ARHGAP15: variants seen among roughly 807,000 people sequenced by gnomAD.
ARHGAP15 encodes the protein Rho GTPase activating protein 15, also known as rho GTPase-activating protein 15.
ARHGAP15 carries 51 observed loss-of-function variants against 63.7 expected under a neutral mutation model. That is an observed-to-expected ratio of 0.80 (90% confidence interval 0.64 to 1.01). ARHGAP15 has a LOEUF of 1.01. Ranked by LOEUF, ARHGAP15 falls within the 50% of genes least tolerant of loss-of-function variation. ARHGAP15 has a pLI of 0.00. For missense variants in ARHGAP15, 560 were observed against 564.6 expected, an observed-to-expected ratio of 0.99 and a Z score of 0.08; for synonymous variants, 191 against 193.8, an observed-to-expected ratio of 0.99 and a Z score of 0.12.
chr2:143,695,589 C>T (rs964316581), intron 12 of ARHGAP15, among the ~76,000 whole-genome samples: 5 of 152,138 alleles, frequency 3.3e-5, no homozygotes, highest in African/African-American at 1.2e-4. Context: ...GTTACTTAAG[C>T]AGGATATGGT....
chr2:143,248,794 A>G (rs1694150711), intron 5 of ARHGAP15, among the ~76,000 whole-genome samples: 2 of 152,212 alleles, frequency 1.3e-5, no homozygotes, highest in African/African-American at 4.8e-5. Flanking sequence ...CAAACTCTCT[A>G]TGATACAGAG....
intron 12 of ARHGAP15, among the ~76,000 whole-genome samples, chr2:143,666,478 C>G (rs1216080418): frequency 6.7e-6 from 1 of 150,152 alleles, no homozygotes; most frequent in Non-Finnish European, 1.5e-5. Flanking sequence ...AGAAGAAAAC[C>G]TAGGCATTAC....
At chr2:143,443,624 G>C (rs1234605091) in intron 8 of ARHGAP15, among the ~76,000 whole-genome samples, 1 of 152,052 alleles carries the variant, frequency 6.6e-6, no homozygotes, top group Non-Finnish European at 1.5e-5. Flanking sequence ...CAGGTTGAGA[G>C]TTACTTATTT....
chr2:143,158,652 T>C (rs1254059739), intron 2 of ARHGAP15, among the ~76,000 whole-genome samples: 1 of 151,954 alleles, frequency 6.6e-6, no homozygotes, highest in East Asian at 1.9e-4. Flanking sequence ...ATCGCCCATC[T>C]GTAAGAGAGA....
intron 2 of ARHGAP15, among the ~76,000 whole-genome samples, chr2:143,188,486 G>A (rs1691534362): frequency 6.6e-6 from 1 of 151,606 alleles, no homozygotes; most frequent in African/African-American, 2.4e-5. Context: ...TCCTCCCATT[G>A]TTCTCCATCT....
chr2:143,484,883 G>A (rs1174361842), intron 8 of ARHGAP15, among the ~76,000 whole-genome samples: 2 of 152,100 alleles, frequency 1.3e-5, no homozygotes, highest in Non-Finnish European at 2.9e-5. Flanking sequence ...CTAAAGCAGT[G>A]CTTTTCAAAC....
intron 6 of ARHGAP15, among the ~76,000 whole-genome samples, chr2:143,308,822 G>A (rs997326110): frequency 1.3e-5 from 2 of 150,856 alleles, no homozygotes; most frequent in South Asian, 2.1e-4. Flanking sequence ...CTTTCCCATA[G>A]CCTAAGAAAA....
intron 10 of ARHGAP15, among the ~76,000 whole-genome samples, chr2:143,553,588 T>C (rs1695664829): frequency 6.6e-6 from 1 of 152,220 alleles, no homozygotes; most frequent in African/African-American, 2.4e-5. Flanking sequence ...CCTCCTTTTA[T>C]GCCAAAAGAA....
intron 12 of ARHGAP15, among the ~76,000 whole-genome samples, chr2:143,690,492 T>C (rs911977740): frequency 2.0e-5 from 3 of 152,210 alleles, no homozygotes; most frequent in Admixed American, 6.5e-5. Context: ...CTGGAAATGA[T>C]AACGGGCCCC....
chr2:143,378,297 C>G (rs1443698419), intron 6 of ARHGAP15, among the ~76,000 whole-genome samples: 1 of 151,984 alleles, frequency 6.6e-6, no homozygotes, highest in African/African-American at 2.4e-5. Context: ...AGATACGAAA[C>G]AGTTTATTAA....
intron 8 of ARHGAP15, among the ~76,000 whole-genome samples, chr2:143,448,898 G>T (rs1690269148): frequency 6.6e-6 from 1 of 152,072 alleles, no homozygotes; most frequent in South Asian, 2.1e-4. Flanking sequence ...CTTTAAAGAG[G>T]TTTTTGAAAG....
At chr2:143,299,415 G>A (rs1489702022) in intron 6 of ARHGAP15, among the ~76,000 whole-genome samples, 2 of 151,848 alleles carry the variant, frequency 1.3e-5, no homozygotes, top group Non-Finnish European at 2.9e-5. Context: ...CTCATACCTT[G>A]TCTGTATCTA....
At chr2:143,550,666 A>G (rs1384917590) in intron 10 of ARHGAP15, among the ~76,000 whole-genome samples, 1 of 152,248 alleles carries the variant, frequency 6.6e-6, no homozygotes, top group Admixed American at 6.5e-5. Flanking sequence ...TCTGTTGGGC[A>G]GCACTTAATC....
At chr2:143,456,839 G>GGC (rs1401434973) in intron 8 of ARHGAP15, among the ~76,000 whole-genome samples, 1 of 1,072 alleles carries the variant, frequency 9.3e-4, no homozygotes, top group Non-Finnish European at 1.9e-3. Flanking sequence ...TGTTTTGAAA[G>GGC]ACAGATTTGT....
At chr2:143,762,712 T>TC (rs1473295171) in intron 13 of ARHGAP15, among the ~76,000 whole-genome samples, 1 of 152,168 alleles carries the variant, frequency 6.6e-6, no homozygotes, top group African/African-American at 2.4e-5. Context: ...ATTTTTTTTT[T>TC]CTGCAGGACT....
intron 2 of ARHGAP15, among the ~76,000 whole-genome samples, chr2:143,158,299 CGTAAAAGCTTTGATTCTT>C (rs1197919263): frequency 1.3e-5 from 2 of 151,776 alleles, no homozygotes; most frequent in Non-Finnish European, 2.9e-5. Flanking sequence ...CTGTATATGT[CGTAAAAGCTTTGATTCTT>C]AGTTATCTTA....
chr2:143,411,340 A>T (rs767628010), intron 6 of ARHGAP15, among the ~76,000 whole-genome samples: 3 of 152,234 alleles, frequency 2.0e-5, no homozygotes, highest in South Asian at 2.1e-4. Flanking sequence ...TAAATTTAAC[A>T]GAAAATTATT....
chr2:143,201,305 T>G (rs1055794916), intron 2 of ARHGAP15, among the ~76,000 whole-genome samples: 32 of 151,826 alleles, frequency 2.1e-4, no homozygotes, highest in Non-Finnish European at 3.1e-4. Context: ...ATTTTTTTTG[T>G]AGAGTTGGAG....
At chr2:143,265,838 T>A (rs1433599096) in intron 6 of ARHGAP15, among the ~76,000 whole-genome samples, 1 of 152,148 alleles carries the variant, frequency 6.6e-6, no homozygotes, top group Non-Finnish European at 1.5e-5. Flanking sequence ...AGTGTATTCA[T>A]GTTAAAGCTT....
Sources: gnomAD v4.1 joint callset for allele counts (sites outside exome capture counted in the v4.1 genomes callset) on GRCh38, gnomAD v4.1.1 for gene constraint, MANE v1.5 for transcripts, NCBI Gene and HGNC (gene_info 2026-07-23, HGNC 2026-07-21) for gene names.